SKAP1: variants seen among roughly 807,000 people sequenced by gnomAD.
The protein encoded by SKAP1 is src kinase associated phosphoprotein 1, also known as src kinase-associated phosphoprotein 1.
Under a neutral mutation model 58.5 loss-of-function variants are expected in SKAP1, and 44 were observed. That is an observed-to-expected ratio of 0.75 (90% confidence interval 0.59 to 0.97). The LOEUF (loss-of-function observed/expected upper bound fraction) is 0.97. Among genes scored for constraint, SKAP1 ranks in the 50% least tolerant of loss-of-function variants. SKAP1 has a pLI of 0.00. For missense variants in SKAP1, 390 were observed against 435.2 expected (o/e 0.90, Z 0.92); for synonymous variants, 127 against 149.7 (o/e 0.85, Z 1.11).
chr17:48,214,973 A>T (rs1420026060), intron 4 of SKAP1, among the ~76,000 whole-genome samples: 2 of 151,362 alleles, frequency 1.3e-5, no homozygotes, highest in African/African-American at 4.8e-5. Context: ...AAATAAACAG[A>T]TGGCATTCCA....
chr17:48,282,149 T>C (rs564240958), intron 4 of SKAP1, among the ~76,000 whole-genome samples: 1 of 152,362 alleles, frequency 6.6e-6, no homozygotes, highest in South Asian at 2.1e-4. Flanking sequence ...AATACTTTCT[T>C]TTATGCCTTT....
At position 48,257,127 on chromosome 17, in the gene SKAP1, A is replaced by T. The variant is rs924047137; in HGVS notation, c.281-67627T>A. Among the ~76,000 whole-genome samples, 16 of 147,798 alleles carry T rather than the reference A, an allele frequency of 1.1e-4. 2 individuals are homozygous for T. The highest frequency in any genetic ancestry group is 2.2e-4 in the African/African-American group (9 of 40,526). On this transcript the variant is annotated intron_variant, in intron 4 of 12. Transcript: ENST00000336915. ...AGAGCCTAGCTTACTGTCATTTAAA[A>T]TTTTTTTTTTTTGTATTTTAAAAGG...
chr17:48,432,428 C>CAA (rs200081330), upstream of SKAP1, among the ~76,000 whole-genome samples: 66 of 149,798 alleles, frequency 4.4e-4, no homozygotes, highest in Non-Finnish European at 7.4e-4. Context: ...GACTCCATCT[C>CAA]AAAAAAAAGA....
chr17:48,431,563 C>G (rs545679419), upstream of SKAP1, among the ~76,000 whole-genome samples: 1 of 152,276 alleles, frequency 6.6e-6, no homozygotes, highest in South Asian at 2.1e-4. Flanking sequence ...TGTGAAGGGA[C>G]TTGAAAGTCA....
chr17:48,228,531 T>C (rs1417004040), intron 4 of SKAP1, among the ~76,000 whole-genome samples: 2 of 152,202 alleles, frequency 1.3e-5, no homozygotes, highest in African/African-American at 4.8e-5. Flanking sequence ...CTTGAATAAT[T>C]TAAGCCTTGT....
At chr17:48,202,282 G>A (rs1356711461) in intron 4 of SKAP1, among the ~76,000 whole-genome samples, 1 of 152,152 alleles carries the variant, frequency 6.6e-6, no homozygotes, top group East Asian at 1.9e-4. Flanking sequence ...TTCTCTGGGG[G>A]TATTTCAGGG....
intron 7 of SKAP1, among the ~76,000 whole-genome samples, chr17:48,183,570 A>G (rs115526152): frequency 1.2e-3 from 183 of 152,290 alleles, no homozygotes; most frequent in African/African-American, 4.3e-3. Flanking sequence ...AGACATTGTT[A>G]TTCTTGATTT....
At chr17:48,363,133 T>C (rs1414353399) in intron 3 of SKAP1, among the ~76,000 whole-genome samples, 1 of 152,246 alleles carries the variant, frequency 6.6e-6, no homozygotes. Context: ...AAAAATGTGT[T>C]TTAATCCTGG....
chr17:48,231,057 C>T (rs988719459), intron 4 of SKAP1, among the ~76,000 whole-genome samples: 3 of 152,116 alleles, frequency 2.0e-5, no homozygotes, highest in Non-Finnish European at 4.4e-5. Flanking sequence ...TAGATGCAGG[C>T]AGTGTTTACA....
At chr17:48,374,525 T>G (rs1351789767) in intron 2 of SKAP1, among the ~76,000 whole-genome samples, 1 of 152,176 alleles carries the variant, frequency 6.6e-6, no homozygotes, top group Admixed American at 6.5e-5. Context: ...ATCTTAGGAT[T>G]CAGACGGACA....
intron 2 of SKAP1, among the ~76,000 whole-genome samples, chr17:48,369,180 T>TAAATAA (rs1567886530): frequency 4.2e-4 from 51 of 121,952 alleles, no homozygotes; most frequent in African/African-American, 1.6e-3. Flanking sequence ...TAAATAAATA[T>TAAATAA]AAAATAAAGA....
intron 4 of SKAP1, among the ~76,000 whole-genome samples, chr17:48,244,245 A>G (rs568660718): frequency 6.6e-6 from 1 of 152,246 alleles, no homozygotes; most frequent in African/African-American, 2.4e-5. Flanking sequence ...TTGAGTCATA[A>G]CCATAAATAC....
intron 11 of SKAP1, among the ~76,000 whole-genome samples, chr17:48,160,224 GGCTCAAGTGATTCTCCCA>G (rs2064048377): frequency 6.6e-6 from 1 of 152,008 alleles, no homozygotes; most frequent in Non-Finnish European, 1.5e-5. Flanking sequence ...TGAACTCCTG[GGCTCAAGTGATTCTCCCA>G]GCTCAGCTTC....
At chr17:48,139,671 T>C (rs1395653187) in intron 11 of SKAP1, among the ~76,000 whole-genome samples, 1 of 152,212 alleles carries the variant, frequency 6.6e-6, no homozygotes, top group Non-Finnish European at 1.5e-5. Context: ...GATCTTTTTA[T>C]CTCTGGATGC....
At chr17:48,220,996 C>T (rs4794525) in intron 4 of SKAP1, among the ~76,000 whole-genome samples, 84,798 of 151,554 alleles carry the variant, frequency 0.56, 24,681 homozygotes, top group East Asian at 0.76. Flanking sequence ...AGGGTGGGCA[C>T]GGTGGCTCAC....
At chr17:48,305,132 A>G (rs1471876635) in intron 4 of SKAP1, among the ~76,000 whole-genome samples, 2 of 152,194 alleles carry the variant, frequency 1.3e-5, no homozygotes, top group African/African-American at 2.4e-5. Flanking sequence ...TGTGAAAATT[A>G]TATGGAATTC....
At chr17:48,195,685 C>T (rs189193041) in intron 4 of SKAP1, among the ~76,000 whole-genome samples, 440 of 152,204 alleles carry the variant, frequency 2.9e-3, no homozygotes, top group African/African-American at 0.01. Flanking sequence ...AGCTAGGAAA[C>T]AGAACATGAG....
intron 4 of SKAP1, among the ~76,000 whole-genome samples, chr17:48,247,483 T>C (rs1212888397): frequency 6.6e-6 from 1 of 152,194 alleles, no homozygotes; most frequent in African/African-American, 2.4e-5. Context: ...ATACTTCTGA[T>C]TTCTTTTCCT....
intron 5 of SKAP1, among the ~76,000 whole-genome samples, chr17:48,188,466 T>C (rs2064488955): frequency 6.6e-6 from 1 of 151,908 alleles, no homozygotes; most frequent in Admixed American, 6.6e-5. Flanking sequence ...ATGGGAAGTA[T>C]GCTTAAAGCC....
Sources: gnomAD v4.1 joint callset for allele counts (sites outside exome capture counted in the v4.1 genomes callset) on GRCh38, gnomAD v4.1.1 for gene constraint, MANE v1.5 for transcripts, NCBI Gene and HGNC (gene_info 2026-07-23, HGNC 2026-07-21) for gene names.